Variants in KHDRBS3 observed in about 807,000 individuals in gnomAD.
KHDRBS3 encodes the protein KH domain-containing, RNA-binding, signal transduction-associated protein 3.
KHDRBS3 carries 23 observed loss-of-function variants against 45.6 expected under a neutral mutation model. The ratio of observed to expected loss-of-function variants is 0.50; its 90% CI spans 0.36 to 0.72. KHDRBS3 has a LOEUF of 0.72. Ranked by LOEUF, KHDRBS3 falls within the 30% of genes least tolerant of loss-of-function variation. The pLI, the probability that KHDRBS3 is intolerant of heterozygous loss-of-function variation, is 0.00. For missense variants in KHDRBS3, 352 were observed against 424.8 expected, an observed-to-expected ratio of 0.83 and a Z score of 1.51; for synonymous variants, 162 against 156.5, an observed-to-expected ratio of 1.04 and a Z score of -0.26.
At chr8:135,640,242 C>T (rs1831006092) in intron 7 of KHDRBS3, among the ~76,000 whole-genome samples, 1 of 152,042 alleles carries the variant, frequency 6.6e-6, no homozygotes, top group South Asian at 2.1e-4. Flanking sequence ...GACATAAATA[C>T]AAGCAAAAGG....
chr8:135,564,882 C>A (rs1827328541), intron 5 of KHDRBS3, among the ~76,000 whole-genome samples: 1 of 152,096 alleles, frequency 6.6e-6, no homozygotes, highest in African/African-American at 2.4e-5. Flanking sequence ...CTGCTGGCTG[C>A]TCACTGCTCA....
At chr8:135,545,032 A>G (rs1586696578) in intron 3 of KHDRBS3, among the ~76,000 whole-genome samples, 1 of 152,060 alleles carries the variant, frequency 6.6e-6, no homozygotes, top group Non-Finnish European at 1.5e-5. Context: ...TGCTCGGTGT[A>G]AAGTCACTCT....
At chr8:135,485,993 A>G (rs906639374) in intron 1 of KHDRBS3, among the ~76,000 whole-genome samples, 1 of 152,108 alleles carries the variant, frequency 6.6e-6, no homozygotes, top group Non-Finnish European at 1.5e-5. Context: ...GTTAGGCAGT[A>G]AAGCAGTCTG....
chr8:135,646,947 G>A, intron 8 of KHDRBS3, 46 bp from the exon 9 acceptor site: 1 of 1,017,134 alleles, frequency 9.8e-7, no homozygotes, highest in Non-Finnish European at 1.6e-6. Flanking sequence ...GAAGCCTGTG[G>A]GATTCATGGC....
chr8:135,548,784 A>G lies in KHDRBS3; in HGVS notation c.355A>G (p.Lys119Glu). The G allele has an allele frequency of 6.4e-7, 1 of 1,566,522 alleles. No homozygotes were observed. Among genetic ancestry groups the G allele is most frequent in the Non-Finnish European group, 8.6e-7 (1 of 1,156,856 alleles). ...EEELRKSGEA[K>E]YFHLNDDLHV... Reference sequence around the variant, plus strand: ...AGAGTTGAGGAAAAGTGGAGAAGCGAAGTACTTCCATCTCAATGATGATCT... The same window carrying G: ...AGAGTTGAGGAAAAGTGGAGAAGCGGAGTACTTCCATCTCAATGATGATCT... The change falls in exon 4 of 9, where the codon AAG becomes GAG. Residue 119 changes from lysine (K) to glutamate (E), a missense_variant. Around this residue, in one of 6 missense-constraint regions of KHDRBS3, gnomAD observed 46 missense variants for 45.9 expected, o/e 1.00. Transcript: ENST00000355849.
intron 5 of KHDRBS3, among the ~76,000 whole-genome samples, chr8:135,567,314 T>C (rs550487900): frequency 1.3e-5 from 2 of 152,182 alleles, no homozygotes; most frequent in South Asian, 4.2e-4. Flanking sequence ...TTCACACTTG[T>C]GTAAGCACTT....
intron 7 of KHDRBS3, among the ~76,000 whole-genome samples, chr8:135,608,742 T>C (rs1488419689): frequency 6.6e-6 from 1 of 152,226 alleles, no homozygotes; most frequent in Non-Finnish European, 1.5e-5. Flanking sequence ...AATTTTGTCA[T>C]TGTGTGAACA....
At chr8:135,481,255 A>T (rs1822561812) in intron 1 of KHDRBS3, among the ~76,000 whole-genome samples, 2 of 99,980 alleles carry the variant, frequency 2.0e-5, no homozygotes, top group African/African-American at 4.5e-5. Flanking sequence ...TATATATTTA[A>T]TGTAAGCCTT....
At chr8:135,537,216 G>A (rs1288163242) in intron 2 of KHDRBS3, among the ~76,000 whole-genome samples, 1 of 152,130 alleles carries the variant, frequency 6.6e-6, no homozygotes, top group Non-Finnish European at 1.5e-5. Context: ...CATGTTTGAA[G>A]CTATGGTGGC....
At chr8:135,504,207 A>G (rs1336783121) in intron 1 of KHDRBS3, among the ~76,000 whole-genome samples, 3 of 152,270 alleles carry the variant, frequency 2.0e-5, no homozygotes, top group Admixed American at 1.3e-4. Context: ...ATCATTATTA[A>G]TTTTGACTCT....
intron 7 of KHDRBS3, among the ~76,000 whole-genome samples, chr8:135,627,690 C>T (rs1830433636): frequency 6.6e-6 from 1 of 152,100 alleles, no homozygotes; most frequent in Non-Finnish European, 1.5e-5. Context: ...AGTTAACATA[C>T]GTATACACCC....
intron 4 of KHDRBS3, among the ~76,000 whole-genome samples, chr8:135,550,321 T>C (rs1288597582): frequency 6.6e-6 from 1 of 152,214 alleles, no homozygotes; most frequent in Non-Finnish European, 1.5e-5. Context: ...CTTTGCCTAA[T>C]GAAGGTCACC....
At chr8:135,583,307 T>C (rs903082205) in intron 6 of KHDRBS3, among the ~76,000 whole-genome samples, 1 of 152,246 alleles carries the variant, frequency 6.6e-6, no homozygotes, top group Admixed American at 6.5e-5. Context: ...AAGTTTGTTA[T>C]TCAGCTGAGG....
At chr8:135,485,733 G>A (rs1161136774) in intron 1 of KHDRBS3, among the ~76,000 whole-genome samples, 1 of 151,200 alleles carries the variant, frequency 6.6e-6, no homozygotes, top group Admixed American at 6.6e-5. Flanking sequence ...GGTGATGATG[G>A]CATTTGCAAA....
At chr8:135,515,934 G>T (rs540454601) in intron 1 of KHDRBS3, among the ~76,000 whole-genome samples, 2 of 152,340 alleles carry the variant, frequency 1.3e-5, no homozygotes, top group South Asian at 2.1e-4. Context: ...CCACAGGAAT[G>T]TGTGTTCTGA....
At chr8:135,598,222 CTCTGA>C (rs1226716459) in intron 6 of KHDRBS3, among the ~76,000 whole-genome samples, 1 of 152,176 alleles carries the variant, frequency 6.6e-6, no homozygotes, top group African/African-American at 2.4e-5. Context: ...TTTGATTTTT[CTCTGA>C]TCTGACAGCT....
At chr8:135,656,016 C>T (rs1437907026) in intron 4 of KHDRBS3, among the ~76,000 whole-genome samples, 2 of 152,058 alleles carry the variant, frequency 1.3e-5, no homozygotes. Context: ...ATCATTAAAC[C>T]AGTTAATCAT....
chr8:135,655,950 A>G (rs925339425), intron 4 of KHDRBS3, among the ~76,000 whole-genome samples: 5 of 152,356 alleles, frequency 3.3e-5, no homozygotes, highest in Middle Eastern at 3.4e-3. Context: ...ATGTAAAACA[A>G]GGCATTGCCA....
intron 1 of KHDRBS3, among the ~76,000 whole-genome samples, chr8:135,473,703 A>T (rs2317266): frequency 0.56 from 84,330 of 151,884 alleles, 24,447 homozygotes; most frequent in East Asian, 0.78. Context: ...TGAGTGGAGC[A>T]TAGGGGCCTC....
Sources: allele counts gnomAD v4.1 joint callset (sites outside exome capture counted in the v4.1 genomes callset), GRCh38; gene constraint gnomAD v4.1.1; regional missense constraint gnomAD v4.1.1; transcripts MANE v1.5; gene names NCBI Gene and HGNC (gene_info 2026-07-23, HGNC 2026-07-21).